RNF135: variants seen among roughly 807,000 people sequenced by gnomAD.
RNF135 encodes ring finger protein 135, also known as E3 ubiquitin-protein ligase RNF135.
In RNF135, 46 loss-of-function variants were observed where a neutral mutation model predicts 41.9. The observed-to-expected ratio is 1.10, with a 90% CI of 0.87 to 1.40. The LOEUF (loss-of-function observed/expected upper bound fraction) is 1.40. Ranked by LOEUF, RNF135 falls within the 40% of genes most tolerant of loss-of-function variation. The pLI is 0.00. For missense variants in RNF135, 539 were observed against 549.8 expected (o/e 0.98, Z 0.20); for synonymous variants, 238 against 223.8 (o/e 1.06, Z -0.57).
intron 1 of RNF135, among the ~76,000 whole-genome samples, chr17:30,982,193 G>A (rs767583689): frequency 1.4e-4 from 21 of 152,346 alleles, no homozygotes; most frequent in Non-Finnish European, 2.4e-4. Context: ...GACTTGCCTA[G>A]GAGTTGCAGT....
chr17:30,995,777 G>A lies in RNF135; in HGVS notation c.680-1465G>A, dbSNP rs112041528. The stretch of plus-strand genomic sequence containing the variant: ...TTGTTACTTTTTTTTTTTTTGAGAC[G>A]GAGTCTTGCTCTGTCACCCAGGCTG... On this transcript the variant is annotated intron_variant, in intron 3 of 4. Transcript: ENST00000328381. 3.4e-3 allele frequency among the ~76,000 whole-genome samples: 515 copies of A among 149,634 alleles called. 2 individuals are homozygous for A. The highest frequency in any genetic ancestry group is 0.012 in the African/African-American group (486 of 40,696).
At chr17:30,990,597 C>G (rs1369585139) in intron 3 of RNF135, among the ~76,000 whole-genome samples, 1 of 152,208 alleles carries the variant, frequency 6.6e-6, no homozygotes, top group Admixed American at 6.5e-5. Context: ...GCCCCATTCT[C>G]TCTTCTCAGT....
At chr17:30,977,866 G>A (rs1906605556) in intron 1 of RNF135, among the ~76,000 whole-genome samples, 1 of 152,200 alleles carries the variant, frequency 6.6e-6, no homozygotes, top group South Asian at 2.1e-4. Context: ...ACTGCGCCTG[G>A]CCTTCTTTTC....
upstream of RNF135, among the ~76,000 whole-genome samples, chr17:30,966,136 AG>A (rs1291564833): frequency 6.6e-5 from 10 of 152,124 alleles, no homozygotes; most frequent in Non-Finnish European, 1.0e-4. Flanking sequence ...GAATAAGGAA[AG>A]GATTAGTTTT....
chr17:30,963,226 A>T, the RNF135 span, among the ~76,000 whole-genome samples: 2 of 149,988 alleles, frequency 1.3e-5, no homozygotes, highest in African/African-American at 4.9e-5. Context: ...CTTCTGCCTC[A>T]GCCTCCTGAG....
At chr17:30,979,213 T>TG (rs1392080087) in intron 1 of RNF135, 2 of 125,134 alleles carry the variant, frequency 1.6e-5, no homozygotes, top group African/African-American at 7.1e-5. Flanking sequence ...ACCTCCCGGA[T>TG]GGGGCGGCTG....
intron 3 of RNF135, 139 bp downstream of exon 3, chr17:30,988,245 G>C (rs558286616): frequency 5.9e-6 from 5 of 842,344 alleles, no homozygotes; most frequent in Non-Finnish European, 9.7e-6. Context: ...AATCAGGTAG[G>C]GGTGGGCTGA....
chr17:30,987,525 C>T (rs1366938043), intron 2 of RNF135, among the ~76,000 whole-genome samples: 1 of 152,164 alleles, frequency 6.6e-6, no homozygotes, highest in South Asian at 2.1e-4. Context: ...AGCCACCACA[C>T]CTAGCCGAAA....
chr17:30,972,339 T>A (rs1195975415), intron 1 of RNF135: 1 of 152,060 alleles, frequency 6.6e-6, no homozygotes, highest in African/African-American at 2.4e-5. Context: ...GGTCTCGATC[T>A]TCTGACCTCG....
chr17:30,977,613 A>G (rs886689530), intron 1 of RNF135, among the ~76,000 whole-genome samples: 4 of 152,116 alleles, frequency 2.6e-5, no homozygotes, highest in African/African-American at 9.7e-5. Context: ...ACCTCAAGTG[A>G]TCTGCCCACC....
chr17:30,994,467 T>C (rs1908202953), intron 3 of RNF135, among the ~76,000 whole-genome samples: 1 of 151,844 alleles, frequency 6.6e-6, no homozygotes. Context: ...GGAGGATCAC[T>C]TGAGCCTGGG....
At chr17:30,963,783 G>C in the RNF135 span, among the ~76,000 whole-genome samples, 4 of 151,962 alleles carry the variant, frequency 2.6e-5, no homozygotes, top group Non-Finnish European at 5.9e-5. Flanking sequence ...GCTGACTTTT[G>C]TTGCTGACAA....
At position 30,998,608 on chromosome 17, in the gene RNF135, G is replaced by T. The variant is rs917429912; in HGVS notation, c.770-54G>T. 15 of 1,567,164 alleles carry T rather than the reference G, an allele frequency of 9.6e-6. No homozygotes were observed. In the South Asian group the frequency reaches 1.5e-4, roughly 15 times the overall value. On this transcript the variant is annotated intron_variant, in intron 4 of 4. Transcript: ENST00000328381. ...TGCTATTTGAAGACTTCTTAGCATG[G>T]ACCATCAAAAGATGACCGGCCATGT...
upstream of RNF135, chr17:30,970,861 T>C: frequency 1.5e-6 from 1 of 674,364 alleles, no homozygotes; most frequent in Non-Finnish European, 2.4e-6. Context: ...AGGCCGCCAC[T>C]GAAGGTCAGC....
At chr17:30,972,710 ATG>A (rs1353685049) in intron 1 of RNF135, 2 of 152,194 alleles carry the variant, frequency 1.3e-5, no homozygotes, top group African/African-American at 4.8e-5. Context: ...ATGTTGTAGC[ATG>A]TGTCAGAACT....
intron 4 of RNF135, 88 bp downstream of exon 4, chr17:30,997,419 G>A: frequency 8.8e-7 from 1 of 1,139,588 alleles, no homozygotes; most frequent in Non-Finnish European, 1.3e-6. Context: ...CTACTGCTAG[G>A]GCCACTCCTT....
At chr17:30,971,912 CTCG>C (rs750483635) in intron 1 of RNF135, 36 of 174,730 alleles carry the variant, frequency 2.1e-4, no homozygotes, top group Non-Finnish European at 3.8e-4. Context: ...TTGCTTCAGG[CTCG>C]AGAGTAGCTG....
intron 1 of RNF135, 133 bp downstream of exon 1, chr17:30,971,578 T>C (rs1905953784): frequency 7.3e-7 from 1 of 1,360,714 alleles, no homozygotes; most frequent in Admixed American, 3.9e-5. Context: ...AAAGTCGAGT[T>C]CCGCTCTTCG....
At position 30,971,211 on chromosome 17, in the gene RNF135, G is replaced by A. The variant is rs1364910406; in HGVS notation, c.138G>A (p.Glu46=). Reference sequence around the variant, plus strand: ...ACAGCTTCTGCCGCCACTGCCTGGAGGCCCTGTGGGGCGCCCGCGACGCCC... The same window carrying A: ...ACAGCTTCTGCCGCCACTGCCTGGAAGCCCTGTGGGGCGCCCGCGACGCCC... The part of the protein sequence containing the change: ...CGHSFCRHCL[E]ALWGARDARR... Residue 46 remains glutamate (E), a synonymous_variant, in exon 1 of 5, where the codon GAG becomes GAA. Transcript: ENST00000328381. The A allele has an allele frequency of 4.6e-6, 7 of 1,513,726 alleles. No homozygotes were observed. The highest frequency in any genetic ancestry group is 2.6e-5 in the East Asian group (1 of 38,410). The allele number at this position is 1,513,726 out of a possible 1,614,324, so 93.8% of individuals were successfully genotyped here. A position where few individuals can be genotyped will look rare whatever the true frequency, so the allele number is the denominator to read the frequency against.
Sources: allele counts gnomAD v4.1 joint callset (sites outside exome capture counted in the v4.1 genomes callset), GRCh38; gene constraint gnomAD v4.1.1; transcripts MANE v1.5; gene names NCBI Gene and HGNC (gene_info 2026-07-23, HGNC 2026-07-21).